The following ADGRV1 variants were observed in gnomAD, a reference collection of about 807,000 sequenced individuals.
ADGRV1 encodes G-protein coupled receptor 98.
In ADGRV1, 359 loss-of-function variants were observed where a neutral mutation model predicts 596.2. The observed-to-expected ratio is 0.60, with a 90% CI of 0.55 to 0.66. The LOEUF is 0.66. Among genes scored for constraint, ADGRV1 ranks in the 30% least tolerant of loss-of-function variants. The pLI, the probability that ADGRV1 is intolerant of heterozygous loss-of-function variation, is 0.00. For synonymous variants in ADGRV1, 2,681 were observed against 2,679.2 expected (o/e 1.00, Z -0.02); for missense variants, 7,274 against 7,575.6 (o/e 0.96, Z 1.48).
chr5:90,611,184 A>G (rs2152042358), intron 1 of ADGRV1, among the ~76,000 whole-genome samples: 1 of 152,062 alleles, frequency 6.6e-6, no homozygotes, highest in Middle Eastern at 3.4e-3. Flanking sequence ...GCTTTTCTGA[A>G]AACAACCATT....
At chr5:91,080,300 A>ATCT (rs1334899496) in intron 86 of ADGRV1, among the ~76,000 whole-genome samples, 1 of 152,162 alleles carries the variant, frequency 6.6e-6, no homozygotes, top group Non-Finnish European at 1.5e-5. Context: ...CATGAAGCCT[A>ATCT]TTAAGCAGGT....
intron 85 of ADGRV1, among the ~76,000 whole-genome samples, chr5:90,995,260 T>C (rs916071978): frequency 6.6e-6 from 1 of 152,176 alleles, no homozygotes; most frequent in African/African-American, 2.4e-5. Context: ...AAGGAATAGA[T>C]TTTTTGCATT....
At chr5:91,121,340 T>C (rs1048044345) in intron 87 of ADGRV1, among the ~76,000 whole-genome samples, 1 of 152,182 alleles carries the variant, frequency 6.6e-6, no homozygotes, top group African/African-American at 2.4e-5. Context: ...GTTCCATGAA[T>C]GCACCCGTCC....
At chr5:90,722,757 G>A (rs1021119580) in intron 45 of ADGRV1, among the ~76,000 whole-genome samples, 5 of 115,414 alleles carry the variant, frequency 4.3e-5, no homozygotes, top group South Asian at 2.8e-4. Flanking sequence ...AAAAAAAAAA[G>A]GTCTCTGCTG....
rs749598469 is a variant in ADGRV1 at position 90,985,534 on chromosome 5, C to T, written c.18152+12C>T. ...ATTCATGGTGACCTGTAAGTACACC[C>T]AGGCAACACATTGCCCTAGCTTTCA... is the stretch of plus-strand genomic sequence containing the variant. On this transcript the variant is annotated intron_variant, in intron 85 of 89. Coordinates refer to ENST00000405460, the MANE Select transcript of ADGRV1 (RefSeq NM_032119.4). 4 of 1,602,180 alleles carry T rather than the reference C, an allele frequency of 2.5e-6. No homozygotes were observed. The highest frequency in any genetic ancestry group is 3.4e-6 in the Non-Finnish European group (4 of 1,169,766).
In ADGRV1 at chr5:90,786,950, G is replaced by A. The variant is rs140718091; in HGVS notation, c.13654-1121G>A. Among the ~76,000 whole-genome samples the A allele has an allele frequency of 7.2e-5, 11 of 152,230 alleles. No homozygotes were observed. In the East Asian group the frequency reaches 1.7e-3, roughly 24 times the overall value. On this transcript the variant is annotated intron_variant, in intron 67 of 89. Coordinates refer to ENST00000405460, the MANE Select transcript of ADGRV1 (RefSeq NM_032119.4). Reference sequence around the variant, plus strand: ...TCTGGAAGATGTTGACACATGGGGAGGTGTTTGAACACGTGGGGCCTAAGG... The same window carrying A: ...TCTGGAAGATGTTGACACATGGGGAAGTGTTTGAACACGTGGGGCCTAAGG...
chr5:90,967,032 A>G (rs1259725417), intron 84 of ADGRV1, among the ~76,000 whole-genome samples: 1 of 152,172 alleles, frequency 6.6e-6, no homozygotes, highest in South Asian at 2.1e-4. Flanking sequence ...AAGGAGAAAG[A>G]AAGTGAGGTG....
chr5:90,883,412 C>CT (rs1485492338), intron 83 of ADGRV1, among the ~76,000 whole-genome samples: 1 of 151,996 alleles, frequency 6.6e-6, no homozygotes, highest in Non-Finnish European at 1.5e-5. Context: ...GTATAAAATC[C>CT]AGTAGTGAGG....
rs1481250204 is a variant in ADGRV1 at position 90,672,574 on chromosome 5, G to T, written c.4781G>T (p.Cys1594Phe). 1 of 1,613,416 alleles carries T rather than the reference G, an allele frequency of 6.2e-7. No homozygotes were observed. The highest frequency in any genetic ancestry group is 8.5e-7 in the Non-Finnish European group (1 of 1,179,562). Residue 1594 changes from cysteine (C) to phenylalanine (F), a missense_variant, in exon 22 of 90, where the codon TGT (cysteine) becomes TTT (phenylalanine). Physicochemically the swap from Cys to Phe is radical, Grantham distance 205 (BLOSUM62 -2). Coordinates refer to ENST00000405460, the MANE Select transcript of ADGRV1 (RefSeq NM_032119.4). ...EIAEEGSTIS[C>F]VVERTRGALD... ...GCAGAGGAGGGATCAACCATTTCTT[G>T]TGTGGTTGAGAGAACCAGAGGAGCT...
At chr5:90,741,584 G>A (rs1282187037) in intron 50 of ADGRV1, among the ~76,000 whole-genome samples, 1 of 152,062 alleles carries the variant, frequency 6.6e-6, no homozygotes, top group Admixed American at 6.6e-5. Flanking sequence ...GATGATGAGT[G>A]CTGCCTGAAG....
chr5:90,936,027 A>T (rs1425915952), intron 83 of ADGRV1, among the ~76,000 whole-genome samples: 2 of 152,218 alleles, frequency 1.3e-5, no homozygotes, highest in Non-Finnish European at 2.9e-5. Flanking sequence ...CAAGAGTTTT[A>T]GAATAAGACT....
At chr5:90,695,967 A>G (rs1252155742) in intron 33 of ADGRV1, among the ~76,000 whole-genome samples, 1 of 152,194 alleles carries the variant, frequency 6.6e-6, no homozygotes, top group East Asian at 1.9e-4. Context: ...ATAAATTACC[A>G]TTACCATGAA....
At chr5:90,916,068 A>G (rs1325363922) in intron 83 of ADGRV1, among the ~76,000 whole-genome samples, 1 of 151,960 alleles carries the variant, frequency 6.6e-6, no homozygotes, top group Non-Finnish European at 1.5e-5. Context: ...AGGGAATTGG[A>G]GAGATAGGAA....
At chr5:90,673,419 A>G (rs907814803) in intron 22 of ADGRV1, among the ~76,000 whole-genome samples, 5 of 152,206 alleles carry the variant, frequency 3.3e-5, no homozygotes, top group African/African-American at 1.2e-4. Context: ...ATGATGTAAT[A>G]CTGATGCATG....
At chr5:90,864,367 G>A (rs1189316001) in intron 83 of ADGRV1, among the ~76,000 whole-genome samples, 1 of 152,144 alleles carries the variant, frequency 6.6e-6, no homozygotes, top group African/African-American at 2.4e-5. Flanking sequence ...ACAATTTAAA[G>A]TATCTAGTTT....
chr5:90,841,088 A>G, intron 78 of ADGRV1, 103 bp downstream of exon 78: 1 of 758,752 alleles, frequency 1.3e-6, no homozygotes, highest in East Asian at 2.8e-5. Flanking sequence ...GGTTATTATG[A>G]AATTATGATA....
At chr5:91,112,559 T>C (rs1262141382) in intron 87 of ADGRV1, among the ~76,000 whole-genome samples, 2 of 152,162 alleles carry the variant, frequency 1.3e-5, no homozygotes, top group South Asian at 2.1e-4. Flanking sequence ...GCAAATGACA[T>C]TTGGGACTCG....
chr5:90,853,905 A>G (rs1045637235), intron 80 of ADGRV1, among the ~76,000 whole-genome samples, 157 bp from the exon 81 acceptor site: 2 of 152,182 alleles, frequency 1.3e-5, no homozygotes, highest in African/African-American at 4.8e-5. Context: ...TGGAAAACCA[A>G]TCAGATGTCC....
At chr5:90,865,258 G>C (rs1002543931) in intron 83 of ADGRV1, among the ~76,000 whole-genome samples, 1 of 152,026 alleles carries the variant, frequency 6.6e-6, no homozygotes, top group Non-Finnish European at 1.5e-5. Context: ...GTCTGATCTC[G>C]CCTTTGCTTC....
Sources: gnomAD v4.1 joint callset for allele counts (sites outside exome capture counted in the v4.1 genomes callset) on GRCh38, gnomAD v4.1.1 for gene constraint, MANE v1.5 for transcripts, NCBI Gene and HGNC (gene_info 2026-07-23, HGNC 2026-07-21) for gene names.